The following PCSK5 variants were observed in gnomAD, a reference collection of about 807,000 sequenced individuals.
PCSK5 encodes prohormone convertase 5.
PCSK5 carries 129 observed loss-of-function variants against 233.2 expected under a neutral mutation model. That is an observed-to-expected ratio of 0.55 (90% confidence interval 0.48 to 0.64). The LOEUF (loss-of-function observed/expected upper bound fraction) is 0.64. PCSK5 is among the 30% of genes least tolerant of loss of function. The pLI is 0.00. For missense variants in PCSK5, 2,076 were observed against 2,430.1 expected (o/e 0.85, Z 3.06); for synonymous variants, 825 against 879.2 (o/e 0.94, Z 1.09).
intron 27 of PCSK5, among the ~76,000 whole-genome samples, chr9:76,297,145 G>C (rs569173185): frequency 3.3e-5 from 5 of 152,110 alleles, no homozygotes; most frequent in Non-Finnish European, 7.4e-5. Flanking sequence ...AAGCAGGCCC[G>C]GAAGCAAGTG....
At chr9:76,008,207 G>T (rs893817390) in intron 3 of PCSK5, among the ~76,000 whole-genome samples, 2 of 152,054 alleles carry the variant, frequency 1.3e-5, no homozygotes, top group Non-Finnish European at 2.9e-5. Flanking sequence ...TCAAGAGCGG[G>T]TTCTGCTGGA....
intron 5 of PCSK5, among the ~76,000 whole-genome samples, chr9:76,063,319 C>CTTTTTTTTTTTTTTTTT (rs1157596601): frequency 1.7e-5 from 1 of 59,710 alleles, no homozygotes; most frequent in Non-Finnish European, 3.0e-5. Flanking sequence ...TTTCTTTTTT[C>CTTTTTTTTTTTTTTTTT]TTTTTTTTTT....
intron 32 of PCSK5, among the ~76,000 whole-genome samples, chr9:76,327,327 G>T (rs557096396): frequency 6.6e-6 from 1 of 151,916 alleles, no homozygotes; most frequent in African/African-American, 2.4e-5. Context: ...GGCTGGTCTC[G>T]AACTCCTGGG....
intron 3 of PCSK5, among the ~76,000 whole-genome samples, chr9:76,007,836 GT>G (rs1409099052): frequency 7.4e-4 from 111 of 149,576 alleles, no homozygotes; most frequent in African/African-American, 2.6e-3. Context: ...GTGTGTGTGT[GT>G]GTGTATTTTT....
At position 76,188,984 on chromosome 9, in the gene PCSK5, T is replaced by TAAATC. The variant is rs1475297932; in HGVS notation, c.2381-106_2381-105insCAAAT. ...GGAAATCAAGAAAAAGCATGAATAT[T>TAAATC]AAATTATTATTCTTTGACGCCATTT... On this transcript the variant is annotated intron_variant, in intron 18 of 37. Transcript: ENST00000674117. 3 of 947,682 alleles carry TAAATC rather than the reference T, an allele frequency of 3.2e-6. No individual in the cohort carries two copies. In the East Asian group the frequency reaches 8.0e-5, roughly 25 times the overall value. The allele number at this position is 947,682 out of a possible 1,614,324, so 58.7% of individuals were successfully genotyped here.
chr9:76,215,812 C>T (rs984958833), intron 20 of PCSK5, among the ~76,000 whole-genome samples: 2 of 152,122 alleles, frequency 1.3e-5, no homozygotes, highest in Non-Finnish European at 2.9e-5. Context: ...TGGTAGCACA[C>T]ACCTGTAGTC....
intron 20 of PCSK5, among the ~76,000 whole-genome samples, chr9:76,207,855 C>T (rs1300894665): frequency 6.6e-6 from 1 of 152,104 alleles, no homozygotes; most frequent in Non-Finnish European, 1.5e-5. Flanking sequence ...CTTCCTGCTG[C>T]TATAACAGAA....
intron 12 of PCSK5, among the ~76,000 whole-genome samples, chr9:76,164,882 T>G (rs1050910971): frequency 1.3e-5 from 2 of 151,948 alleles, no homozygotes; most frequent in Non-Finnish European, 2.9e-5. Context: ...CAAGAAGGAA[T>G]GCATTTTGGG....
At chr9:76,019,370 A>C (rs1447317975) in intron 3 of PCSK5, among the ~76,000 whole-genome samples, 1 of 152,052 alleles carries the variant, frequency 6.6e-6, no homozygotes, top group Non-Finnish European at 1.5e-5. Flanking sequence ...TTCTCTGTAA[A>C]ACAGGTTTTT....
intron 1 of PCSK5, among the ~76,000 whole-genome samples, chr9:75,927,723 A>G (rs1236000311): frequency 6.6e-6 from 1 of 152,156 alleles, no homozygotes; most frequent in African/African-American, 2.4e-5. Context: ...TTCAAAAGTC[A>G]TCAGCTTGCT....
intron 20 of PCSK5, among the ~76,000 whole-genome samples, chr9:76,198,585 G>GTCCAC (rs938028707): frequency 2.0e-5 from 3 of 152,124 alleles, no homozygotes; most frequent in Non-Finnish European, 2.9e-5. Context: ...AGAAAAGCAA[G>GTCCAC]TCCACATCAC....
intron 8 of PCSK5, among the ~76,000 whole-genome samples, chr9:76,106,647 A>G (rs776230010): frequency 2.6e-5 from 4 of 152,206 alleles, no homozygotes; most frequent in Non-Finnish European, 4.4e-5. Flanking sequence ...CCTTATTTTT[A>G]GTATCCATGT....
intron 5 of PCSK5, among the ~76,000 whole-genome samples, chr9:76,053,632 C>T (rs1357271416): frequency 6.6e-6 from 1 of 152,186 alleles, no homozygotes; most frequent in Middle Eastern, 3.2e-3. Flanking sequence ...TAATGAGTCA[C>T]CTTTGCTTCA....
In PCSK5 at chr9:76,121,862, C is replaced by T. The variant is rs1336484732; in HGVS notation, c.1209-12247C>T. Among the ~76,000 whole-genome samples, 5 of 38,008 alleles carry T rather than the reference C, an allele frequency of 1.3e-4. 1 individual carries two copies. Among genetic ancestry groups the T allele is most frequent in the East Asian group, 8.4e-4 (1 of 1,188 alleles). The allele number at this position is 38,008 out of a possible 152,430, so 24.9% of individuals were successfully genotyped here. ...TTTTTGAGACGGAGTCTCGCTCTGT[C>T]GCCCAGGCTGGAGTGCAGTGGCGGG... On this transcript the variant is annotated intron_variant, in intron 9 of 37. Transcript: ENST00000674117.
At chr9:76,113,098 T>G (rs1410074385) in intron 9 of PCSK5, among the ~76,000 whole-genome samples, 2 of 152,208 alleles carry the variant, frequency 1.3e-5, no homozygotes, top group Admixed American at 6.6e-5. Flanking sequence ...CATTAGTGAC[T>G]TCTTTCTCCC....
In PCSK5 at chr9:76,343,928, T is replaced by A. The variant is rs559198978; in HGVS notation, c.4966+5481T>A. Among the ~76,000 whole-genome samples the A allele has an allele frequency of 2.8e-3, 410 of 146,098 alleles. 1 individual carries two copies. The highest frequency in any genetic ancestry group is 3.1e-3 in the Non-Finnish European group (203 of 65,682). ...AGTAGAAATAAAATGTGATTGAAAA[T>A]TTTTAGTAGTCATGTTTAAAAAAAA... On this transcript the variant is annotated intron_variant, in intron 35 of 37. Coordinates refer to ENST00000674117, the MANE Select transcript of PCSK5 (RefSeq NM_001372043.1).
chr9:76,119,392 A>C (rs1450292750), intron 9 of PCSK5, among the ~76,000 whole-genome samples: 1 of 152,082 alleles, frequency 6.6e-6, no homozygotes, highest in Non-Finnish European at 1.5e-5. Flanking sequence ...TCCTTTATGA[A>C]ATCTTCAATT....
intron 2 of PCSK5, among the ~76,000 whole-genome samples, chr9:75,970,860 G>T (rs1203139653): frequency 6.6e-6 from 1 of 152,012 alleles, no homozygotes; most frequent in Non-Finnish European, 1.5e-5. Context: ...CTGAGCTCAT[G>T]CAGTCTGCCC....
intron 10 of PCSK5, among the ~76,000 whole-genome samples, chr9:76,139,575 G>A (rs1823120787): frequency 6.6e-6 from 1 of 151,968 alleles, no homozygotes; most frequent in African/African-American, 2.4e-5. Flanking sequence ...TACTTGAAAA[G>A]ACAGAGGGAA....
Sources: gnomAD v4.1 joint callset for allele counts (sites outside exome capture counted in the v4.1 genomes callset) on GRCh38, gnomAD v4.1.1 for gene constraint, MANE v1.5 for transcripts, NCBI Gene and HGNC (gene_info 2026-07-23, HGNC 2026-07-21) for gene names.